The following UIMC1 variants were observed in gnomAD, a reference collection of about 807,000 sequenced individuals.
UIMC1 encodes the protein ubiquitin interaction motif containing 1, also known as BRCA1-A complex subunit RAP80.
UIMC1 carries 42 observed loss-of-function variants against 84.9 expected under a neutral mutation model. That is an observed-to-expected ratio of 0.49 (90% CI 0.39 to 0.64). The LOEUF (loss-of-function observed/expected upper bound fraction) is 0.64. UIMC1 is among the 30% of genes least tolerant of loss of function. The pLI, the probability that UIMC1 is intolerant of heterozygous loss-of-function variation, is 0.00. For missense variants in UIMC1, 825 were observed against 847.6 expected (o/e 0.97, Z 0.33); for synonymous variants, 281 against 293.0 (o/e 0.96, Z 0.42).
intron 2 of UIMC1, among the ~76,000 whole-genome samples, chr5:176,979,296 A>G (rs1197303446): frequency 6.6e-6 from 1 of 152,168 alleles, no homozygotes; most frequent in Non-Finnish European, 1.5e-5. Flanking sequence ...AAACATGGGA[A>G]GATAGAATAC....
At chr5:176,938,223 C>T (rs1252422952) in intron 10 of UIMC1, among the ~76,000 whole-genome samples, 18 of 136,532 alleles carry the variant, frequency 1.3e-4, no homozygotes, top group African/African-American at 4.6e-4. Flanking sequence ...GGGAAAATTA[C>T]TTCTTTCCTT....
upstream of UIMC1, among the ~76,000 whole-genome samples, chr5:177,011,651 C>T (rs962635172): frequency 1.3e-5 from 2 of 151,934 alleles, no homozygotes; most frequent in African/African-American, 4.8e-5. Context: ...ATCTTCATGA[C>T]CTTAGATTTG....
chr5:176,998,846 T>G (rs1430095209), intron 1 of UIMC1, among the ~76,000 whole-genome samples: 1 of 152,128 alleles, frequency 6.6e-6, no homozygotes. Flanking sequence ...ATACGTATTT[T>G]TCTCCTTTAT....
chr5:176,985,802 G>A (rs1303477584), intron 1 of UIMC1, among the ~76,000 whole-genome samples: 1 of 151,976 alleles, frequency 6.6e-6, no homozygotes, highest in African/African-American at 2.4e-5. Flanking sequence ...TTATAAGATA[G>A]GATCTCACTA....
intron 6 of UIMC1, among the ~76,000 whole-genome samples, chr5:176,959,108 T>C (rs1045170041): frequency 1.3e-5 from 2 of 152,244 alleles, no homozygotes; most frequent in African/African-American, 4.8e-5. Flanking sequence ...AAAAGGAAAG[T>C]TGTACAATAA....
intron 6 of UIMC1, among the ~76,000 whole-genome samples, chr5:176,964,152 A>T (rs1488725935): frequency 6.6e-6 from 1 of 152,232 alleles, no homozygotes; most frequent in Non-Finnish European, 1.5e-5. Context: ...AAATACAGGC[A>T]GCTCCACCAA....
intron 6 of UIMC1, among the ~76,000 whole-genome samples, chr5:176,963,157 TAAAAAAAA>T (rs70991588): frequency 6.4e-4 from 9 of 13,964 alleles, no homozygotes; most frequent in African/African-American, 1.5e-3. Context: ...AAAAATAAAT[TAAAAAAAA>T]AAAAAAAAAA....
intron 10 of UIMC1, among the ~76,000 whole-genome samples, chr5:176,931,583 C>T (rs1763091451): frequency 6.6e-6 from 1 of 152,210 alleles, no homozygotes; most frequent in Non-Finnish European, 1.5e-5. Flanking sequence ...ACGTACACTG[C>T]AGTCAGGCTG....
At chr5:176,967,903 TAAA>T (rs35985130) in intron 6 of UIMC1, among the ~76,000 whole-genome samples, 8 of 134,422 alleles carry the variant, frequency 6.0e-5, no homozygotes, top group African/African-American at 1.1e-4. Flanking sequence ...ACCTTGTCTT[TAAA>T]AAAAAAAAAA....
At chr5:176,925,620 G>C (rs1045179097) in intron 10 of UIMC1, among the ~76,000 whole-genome samples, 3 of 151,376 alleles carry the variant, frequency 2.0e-5, no homozygotes, top group African/African-American at 7.3e-5. Context: ...TAATAAAAAG[G>C]AATATAACAC....
chr5:177,005,953 G>A (rs913654467), intron 1 of UIMC1, among the ~76,000 whole-genome samples: 18 of 152,208 alleles, frequency 1.2e-4, no homozygotes, highest in African/African-American at 4.3e-4. Context: ...AAACGCGCCG[G>A]CCCTGCGGGG....
At chr5:176,955,242 G>A (rs1282818831) in intron 8 of UIMC1, among the ~76,000 whole-genome samples, 1 of 152,134 alleles carries the variant, frequency 6.6e-6, no homozygotes, top group African/African-American at 2.4e-5. Context: ...AACTTTGAAT[G>A]AGCATCTCTT....
upstream of UIMC1, chr5:177,006,882 A>G (rs1203278496): frequency 6.6e-6 from 1 of 152,230 alleles, no homozygotes; most frequent in Non-Finnish European, 1.5e-5. Context: ...GCCGGCTCGC[A>G]CCTTGCGCGG....
chr5:176,930,638 C>A (rs993081298), intron 10 of UIMC1, among the ~76,000 whole-genome samples: 25 of 152,186 alleles, frequency 1.6e-4, no homozygotes, highest in Non-Finnish European at 3.5e-4. Flanking sequence ...AAATTAAATC[C>A]TTTTACTTAA....
chr5:176,911,404 AATAT>A lies in UIMC1; in HGVS notation c.1598-19_1598-16del. The A allele has an allele frequency of 6.6e-7, 1 of 1,520,214 alleles. No homozygotes were observed. The highest frequency in any genetic ancestry group is 1.3e-5 in the South Asian group (1 of 77,728). The allele number at this position is 1,520,214 out of a possible 1,614,324, so 94.2% of individuals were successfully genotyped here. On this transcript the variant is annotated splice_polypyrimidine_tract_variant and intron_variant, in intron 10 of 14. Coordinates refer to ENST00000511320, the MANE Select transcript of UIMC1 (RefSeq NM_001199298.2). ...CCGAGTCAATACTTTTAATATAAAAAATATATATATATACACATAGTTAGCTGCC... is the reference window on the plus strand; with the variant it reads ...CCGAGTCAATACTTTTAATATAAAAAATATATATACACATAGTTAGCTGCC...
At chr5:176,982,398 A>C (rs1220797627) in intron 2 of UIMC1, 71 bp downstream of exon 2, 1 of 1,532,520 alleles carries the variant, frequency 6.5e-7, no homozygotes, top group Non-Finnish European at 8.8e-7. Flanking sequence ...CAGTCACGAA[A>C]CAAACTCCCC....
intron 8 of UIMC1, among the ~76,000 whole-genome samples, chr5:176,954,429 G>A (rs958719429): frequency 6.6e-6 from 1 of 152,040 alleles, no homozygotes; most frequent in Non-Finnish European, 1.5e-5. Context: ...GAATTAAGGA[G>A]CCACTTTCAA....
At chr5:176,906,132 T>A in intron 13 of UIMC1, 85 bp from the exon 14 acceptor site, 1 of 1,303,260 alleles carries the variant, frequency 7.7e-7, no homozygotes, top group Non-Finnish European at 1.1e-6. Context: ...TTCCGTGCTC[T>A]AGGCACTGCT....
intron 10 of UIMC1, 74 bp from the exon 11 acceptor site, chr5:176,911,463 C>T: frequency 1.8e-6 from 2 of 1,115,804 alleles, no homozygotes; most frequent in Non-Finnish European, 2.4e-6. Flanking sequence ...AGACAAAATG[C>T]ACAGGAAGAA....
Sources: gnomAD v4.1 joint callset for allele counts (sites outside exome capture counted in the v4.1 genomes callset) on GRCh38, gnomAD v4.1.1 for gene constraint, MANE v1.5 for transcripts, NCBI Gene and HGNC (gene_info 2026-07-23, HGNC 2026-07-21) for gene names.